NR1H4: variants seen among roughly 807,000 people sequenced by gnomAD.
NR1H4 encodes the protein bile acid receptor.
A neutral mutation model predicts 58.5 loss-of-function variants in NR1H4; 23 were observed. The ratio of observed to expected loss-of-function variants is 0.39; its 90% confidence interval spans 0.28 to 0.56. The LOEUF (loss-of-function observed/expected upper bound fraction) is 0.56, where lower values mean the gene tolerates loss of function less well. Among genes scored for constraint, NR1H4 ranks in the 20% least tolerant of loss-of-function variants. NR1H4 has a pLI of 0.58. For missense variants in NR1H4, 487 were observed against 576.9 expected (o/e 0.84, Z 1.60); for synonymous variants, 214 against 198.0 (o/e 1.08, Z -0.68).
At chr12:100,475,805 G>A (rs10860597) in intron 1 of NR1H4, among the ~76,000 whole-genome samples, 47,203 of 151,848 alleles carry the variant, frequency 0.31, 9,060 homozygotes, top group Admixed American at 0.46. Context: ...GCGCTATATC[G>A]GCTCACTGCA....
intron 4 of NR1H4, among the ~76,000 whole-genome samples, chr12:100,517,187 C>T (rs376849352): frequency 2.6e-5 from 4 of 152,200 alleles, no homozygotes; most frequent in African/African-American, 9.6e-5. Context: ...TCCCCTTCTC[C>T]CCCCATCCTC....
At chr12:100,543,806 G>A (rs1018150215) in intron 9 of NR1H4, among the ~76,000 whole-genome samples, 1 of 152,142 alleles carries the variant, frequency 6.6e-6, no homozygotes, top group Admixed American at 6.5e-5. Flanking sequence ...ATTTTCACAT[G>A]TATGGGTATA....
At chr12:100,538,434 G>C (rs1435128840) in intron 8 of NR1H4, among the ~76,000 whole-genome samples, 1 of 152,160 alleles carries the variant, frequency 6.6e-6, no homozygotes, top group East Asian at 1.9e-4. Context: ...TTGAGGAACA[G>C]TTGTATGTGT....
At chr12:100,546,625 G>C (rs371293356) in intron 9 of NR1H4, among the ~76,000 whole-genome samples, 1 of 152,084 alleles carries the variant, frequency 6.6e-6, no homozygotes, top group East Asian at 1.9e-4. Context: ...AACCCAGGAG[G>C]TGGAGGCAGC....
chr12:100,513,171 TCTC>T (rs1954166659), intron 4 of NR1H4, among the ~76,000 whole-genome samples: 3 of 152,172 alleles, frequency 2.0e-5, no homozygotes, highest in Admixed American at 2.0e-4. Context: ...GATTAAGTCT[TCTC>T]TACCTATATT....
At chr12:100,495,795 T>C (rs1194537618) in intron 3 of NR1H4, among the ~76,000 whole-genome samples, 1 of 151,996 alleles carries the variant, frequency 6.6e-6, no homozygotes, top group African/African-American at 2.4e-5. Flanking sequence ...CGAAGAAAAT[T>C]TTGATTCCTT....
At chr12:100,490,462 AG>A (rs1479697108) in intron 1 of NR1H4, among the ~76,000 whole-genome samples, 2 of 152,172 alleles carry the variant, frequency 1.3e-5, no homozygotes, top group East Asian at 3.9e-4. Context: ...ACAGAGTATA[AG>A]CTTGGGTTGA....
At chr12:100,547,269 G>A (rs1264618598) in intron 9 of NR1H4, among the ~76,000 whole-genome samples, 1 of 152,120 alleles carries the variant, frequency 6.6e-6, no homozygotes, top group East Asian at 1.9e-4. Flanking sequence ...TAGTCAATAT[G>A]TCAAGACAGA....
chr12:100,487,071 A>C (rs1953507146), intron 1 of NR1H4, among the ~76,000 whole-genome samples: 1 of 152,218 alleles, frequency 6.6e-6, no homozygotes, highest in Admixed American at 6.5e-5. Context: ...TAGCCAATAT[A>C]GATGTAAAGA....
intron 1 of NR1H4, among the ~76,000 whole-genome samples, chr12:100,484,316 T>C (rs1009114601): frequency 3.9e-5 from 6 of 152,190 alleles, no homozygotes; most frequent in East Asian, 3.9e-4. Context: ...AGGTCTCCGA[T>C]TGCAAATGGT....
chr12:100,482,931 T>G (rs1272035578), intron 1 of NR1H4, among the ~76,000 whole-genome samples: 2 of 151,982 alleles, frequency 1.3e-5, no homozygotes, highest in African/African-American at 4.8e-5. Flanking sequence ...ATTTTATTAT[T>G]TATTTATTTA....
At chr12:100,528,363 T>C (rs531904482) in intron 4 of NR1H4, among the ~76,000 whole-genome samples, 233 of 150,272 alleles carry the variant, frequency 1.6e-3, no homozygotes, top group African/African-American at 5.5e-3. Context: ...TGAGGCTCCA[T>C]CTGGGAAAGA....
chr12:100,551,713 G>A (rs986563976), intron 9 of NR1H4, among the ~76,000 whole-genome samples: 3 of 152,170 alleles, frequency 2.0e-5, no homozygotes, highest in African/African-American at 4.8e-5. Flanking sequence ...GTACTTGCTC[G>A]GTTTTAGATA....
At position 100,537,066 on chromosome 12, in the gene NR1H4, A is replaced by G. The variant is rs78840164; in HGVS notation, c.931+19A>G. 2.1e-6 allele frequency: 3 copies of G among 1,421,878 alleles called. No individual in the cohort carries two copies. The highest frequency in any genetic ancestry group is 1.2e-5 in the South Asian group (1 of 84,226). 88.1% of individuals were successfully genotyped at this position (1,421,878 alleles called of 1,614,324 possible). A position where few individuals can be genotyped will look rare whatever the true frequency, so the allele number is the denominator to read the frequency against. On this transcript the variant is annotated intron_variant, in intron 8 of 10. Coordinates refer to ENST00000392986, the MANE Select transcript of NR1H4 (RefSeq NM_001206979.2). ...CTACCAGGTATTTTTTAAATAATCAAAGTTAATATTTATTGAGAGTTTAAA... is the reference window on the plus strand; with the variant it reads ...CTACCAGGTATTTTTTAAATAATCAGAGTTAATATTTATTGAGAGTTTAAA...
In NR1H4 at chr12:100,534,959, C is replaced by T; in HGVS notation, c.668C>T (p.Thr223Ile). The change falls in exon 6 of 11, where the codon ACC (threonine) becomes ATC (isoleucine). Residue 223 changes from threonine to isoleucine, a missense_variant. Thr to Ile is a moderately conservative substitution (Grantham distance 89, BLOSUM62 -1). Coordinates refer to ENST00000392986, the MANE Select transcript of NR1H4 (RefSeq NM_001206979.2). The stretch of plus-strand genomic sequence containing the variant: ...AATGTGAAGCAGCATGCAGATCAGA[C>T]CGTGAATGAAGACAGTGAAGGTCGT... ...RKNVKQHADQ[T>I]VNEDSEGRDL... 6.2e-7 allele frequency: 1 copy of T among 1,614,188 alleles called. No individual in the cohort carries two copies. Among genetic ancestry groups the T allele is most frequent in the Non-Finnish European group, 8.5e-7 (1 of 1,180,010 alleles).
At chr12:100,508,997 A>C (rs557339169) in intron 3 of NR1H4, among the ~76,000 whole-genome samples, 1 of 152,280 alleles carries the variant, frequency 6.6e-6, no homozygotes, top group Non-Finnish European at 1.5e-5. Context: ...GGGATATATA[A>C]ATAGCACTGT....
chr12:100,486,879 G>T (rs966091068), intron 1 of NR1H4, among the ~76,000 whole-genome samples: 1 of 151,594 alleles, frequency 6.6e-6, no homozygotes, highest in Non-Finnish European at 1.5e-5. Context: ...TAAAAAATCA[G>T]ATATATTTAA....
In NR1H4 at chr12:100,536,967, C is replaced by T; in HGVS notation, c.851C>T (p.Ala284Val). ...TNKILKEEFSAEENFLILTEM... is the reference protein window; with the variant it reads ...TNKILKEEFSVEENFLILTEM... The stretch of plus-strand genomic sequence containing the variant: ...ATTTAGTTAAAAGAAGAATTCAGTG[C>T]AGAAGAAAATTTTCTCATTTTGACG... Residue 284 changes from alanine to valine, a missense_variant, in exon 8 of 11, where the codon GCA becomes GTA. Physicochemically the swap from Ala to Val is moderately conservative, Grantham distance 64. Coordinates refer to ENST00000392986, the MANE Select transcript of NR1H4 (RefSeq NM_001206979.2). 2 of 1,592,964 alleles carry T rather than the reference C, an allele frequency of 1.3e-6. No homozygotes were observed.
intron 9 of NR1H4, among the ~76,000 whole-genome samples, chr12:100,543,665 C>T (rs1157018117): frequency 6.6e-6 from 1 of 152,050 alleles, no homozygotes; most frequent in Non-Finnish European, 1.5e-5. Context: ...TGCTTTTCCT[C>T]TCTTAAATAA....
Sources: allele counts gnomAD v4.1 joint callset (sites outside exome capture counted in the v4.1 genomes callset), GRCh38; gene constraint gnomAD v4.1.1; transcripts MANE v1.5; gene names NCBI Gene and HGNC (gene_info 2026-07-23, HGNC 2026-07-21).